Variants in SP2 observed in about 807,000 individuals in gnomAD.
The protein encoded by SP2 is Sp2 transcription factor, also known as transcription factor Sp2.
In SP2, 9 loss-of-function variants were observed where a neutral mutation model predicts 50.1. The ratio of observed to expected loss-of-function variants is 0.18; its 90% confidence interval spans 0.11 to 0.31. The LOEUF is 0.31. Ranked by LOEUF, SP2 falls within the 10% of genes least tolerant of loss-of-function variation. The pLI is 1.00. For missense variants in SP2, 581 were observed against 806.5 expected, an observed-to-expected ratio of 0.72 and a Z score of 3.39; for synonymous variants, 313 against 326.6, an observed-to-expected ratio of 0.96 and a Z score of 0.45.
At chr17:47,912,931 C>G (rs565457411) in intron 1 of SP2, among the ~76,000 whole-genome samples, 39 of 152,088 alleles carry the variant, frequency 2.6e-4, no homozygotes, top group Admixed American at 6.5e-4. Flanking sequence ...ACGATCTCAG[C>G]TCACTGCAAC....
At chr17:47,922,897 C>A in intron 3 of SP2, 65 bp from the exon 4 acceptor site, 1 of 1,444,496 alleles carries the variant, frequency 6.9e-7, no homozygotes, top group Non-Finnish European at 9.5e-7. Context: ...TGGGCAGGGA[C>A]ATTTGAAGGC....
chr17:47,918,873 G>A (rs905148172), intron 3 of SP2, among the ~76,000 whole-genome samples: 2 of 152,126 alleles, frequency 1.3e-5, no homozygotes, highest in Non-Finnish European at 2.9e-5. Flanking sequence ...GTGCAGACAC[G>A]TCCATTTGTG....
Position 47,928,942 on chromosome 17 carries a change from G to C in SP2, c.*1118G>C, listed in dbSNP as rs775061433. 1 of 152,652 alleles carries C rather than the reference G, an allele frequency of 6.6e-6. No individual in the cohort carries two copies. The highest frequency in any genetic ancestry group is 1.5e-5 in the Non-Finnish European group (1 of 68,044). The allele number at this position is 152,652 out of a possible 1,614,324, so 9.5% of individuals were successfully genotyped here. On this transcript the variant is annotated 3_prime_UTR_variant, in exon 7 of 7. Coordinates refer to ENST00000376741, the MANE Select transcript of SP2 (RefSeq NM_003110.6). ...TTCTTGCTAATAAATTTAGTTGCCT[G>C]AGGCAAAATCTTCAACTTGGCAGTT...
rs758851436 is a variant in SP2 at position 47,925,440 on chromosome 17, G to A, written c.1640G>A (p.Arg547His). The A allele has an allele frequency of 2.0e-5, 32 of 1,614,056 alleles. No individual in the cohort carries two copies. Among genetic ancestry groups the A allele is most frequent in the Non-Finnish European group, 2.5e-5 (29 of 1,179,990 alleles). The part of the protein sequence containing the change: ...RKTSLLRAHV[R>H]LHTGERPFVC... ...ACGTCCTTGCTGCGTGCCCATGTGCGCCTGCACACTGGCGAGCGGCCCTTT... is the reference window on the plus strand; with the variant it reads ...ACGTCCTTGCTGCGTGCCCATGTGCACCTGCACACTGGCGAGCGGCCCTTT... Residue 547 changes from arginine (R) to histidine (H), a missense_variant, in exon 6 of 7, where the codon CGC becomes CAC. Physicochemically the swap from Arg to His is conservative, Grantham distance 29. Transcript: ENST00000376741.
At chr17:47,909,688 G>A (rs1475580156) in intron 1 of SP2, 6 of 983,910 alleles carry the variant, frequency 6.1e-6, no homozygotes, top group Non-Finnish European at 7.2e-6. Flanking sequence ...AGGCTAAGAG[G>A]GACCATCCCA....
chr17:47,897,693 A>G, intron 1 of SP2: 1 of 201,108 alleles, frequency 5.0e-6, no homozygotes, highest in Non-Finnish European at 8.9e-6. Context: ...TGCAAAGGAA[A>G]TAATGGTGGA....
At chr17:47,906,244 G>A in intron 1 of SP2, among the ~76,000 whole-genome samples, 1 of 152,180 alleles carries the variant, frequency 6.6e-6, no homozygotes, top group East Asian at 1.9e-4. Flanking sequence ...TCTATGAGGT[G>A]GAATCATGAG....
rs749551247 is a variant in SP2 at position 47,915,352 on chromosome 17, C to T, written c.48C>T (p.Pro16=). The change falls in exon 2 of 7, where the codon CCC becomes CCT. Residue 16 remains proline, a synonymous_variant. Transcript: ENST00000376741. ...TSMAATAAVS[P]SDYLQPAAST... ...TGGCTGCCACTGCTGCTGTGAGTCCCAGTGACTACCTGCAGCCTGCCGCCT... is the reference window on the plus strand; with the variant it reads ...TGGCTGCCACTGCTGCTGTGAGTCCTAGTGACTACCTGCAGCCTGCCGCCT... 6.2e-7 allele frequency: 1 copy of T among 1,613,526 alleles called. No homozygotes were observed. Among genetic ancestry groups the T allele is most frequent in the Non-Finnish European group, 8.5e-7 (1 of 1,179,714 alleles).
At chr17:47,898,785 T>G (rs548462125) in intron 1 of SP2, 1 of 152,336 alleles carries the variant, frequency 6.6e-6, no homozygotes, top group African/African-American at 2.4e-5. Flanking sequence ...TGAACACTTC[T>G]GAGTTTACAA....
At chr17:47,906,685 A>G (rs1056933811) in intron 1 of SP2, among the ~76,000 whole-genome samples, 1 of 152,224 alleles carries the variant, frequency 6.6e-6, no homozygotes, top group Non-Finnish European at 1.5e-5. Flanking sequence ...AAGTTTTTCA[A>G]GGATCTGGAA....
intron 1 of SP2, 35 bp downstream of exon 1, chr17:47,896,328 GC>G: frequency 8.1e-7 from 1 of 1,234,896 alleles, no homozygotes; most frequent in African/African-American, 1.6e-5. Context: ...GGTCTTCCCG[GC>G]CCCCAAGGGT....
Position 47,923,205 on chromosome 17 carries a change from G to A in SP2, c.1303G>A (p.Ala435Thr). Residue 435 changes from alanine (A) to threonine (T), a missense_variant, in exon 4 of 7, where the codon GCA (alanine) becomes ACA (threonine). This residue lies in a region of SP2 where 184 missense variants were observed against 315.5 expected (regional missense o/e 0.58). Coordinates refer to ENST00000376741, the MANE Select transcript of SP2 (RefSeq NM_003110.6). ...NAAQLAAAAQ[A>T]MQTININGVQ... ...AGCCCAGTTGGCGGCAGCTGCCCAGGCAATGCAGACCATCAACATCAATGG... is the reference window on the plus strand; with the variant it reads ...AGCCCAGTTGGCGGCAGCTGCCCAGACAATGCAGACCATCAACATCAATGG... The A allele has an allele frequency of 6.2e-7, 1 of 1,613,206 alleles. No individual in the cohort carries two copies. The highest frequency in any genetic ancestry group is 8.5e-7 in the Non-Finnish European group (1 of 1,180,036).
intron 1 of SP2, among the ~76,000 whole-genome samples, chr17:47,911,083 G>A (rs1023264545): frequency 6.6e-6 from 1 of 152,024 alleles, no homozygotes; most frequent in Non-Finnish European, 1.5e-5. Context: ...AAAATTAGCC[G>A]GGTGTGGTGG....
intron 1 of SP2, among the ~76,000 whole-genome samples, chr17:47,902,270 G>C (rs2034572878): frequency 6.6e-6 from 1 of 152,222 alleles, no homozygotes; most frequent in South Asian, 2.1e-4. Context: ...CAGTGAGAGA[G>C]GGAGAGTGAC....
Position 47,916,716 on chromosome 17 carries a change from C to T in SP2, c.645C>T (p.Pro215=), listed in dbSNP as rs760918500. 3.0e-5 allele frequency: 48 copies of T among 1,613,236 alleles called. No homozygotes were observed. The highest frequency in any genetic ancestry group is 2.6e-4 in the South Asian group (24 of 91,042). The part of the protein sequence containing the change: ...GGGGNVTLTL[P]VNNLVNASDT... The stretch of plus-strand genomic sequence containing the variant: ...GCGGCAATGTGACGCTCACTCTGCC[C>T]GTCAACAACCTTGTGAACGCCAGTG... The change falls in exon 3 of 7, where the codon CCC becomes CCT. Residue 215 remains proline (P), a synonymous_variant. Coordinates refer to ENST00000376741, the MANE Select transcript of SP2 (RefSeq NM_003110.6). This position sits in a 1 kb window ranked among gnomAD's most constrained non-coding sequence, Gnocchi z 4.7.
chr17:47,896,429 GA>G (rs1384345505), intron 1 of SP2, 136 bp downstream of exon 1: 3 of 695,612 alleles, frequency 4.3e-6, no homozygotes, highest in Non-Finnish European at 6.0e-6. Context: ...CCGGCTTCAG[GA>G]GGGGCGGGGG....
intron 3 of SP2, among the ~76,000 whole-genome samples, chr17:47,922,535 T>C (rs920725451): frequency 2.7e-4 from 40 of 147,040 alleles, no homozygotes; most frequent in African/African-American, 1.0e-3. Context: ...TTTTTTTTTT[T>C]TGAGACAGCG....
intron 1 of SP2, among the ~76,000 whole-genome samples, chr17:47,912,137 GTTC>G (rs755768613): frequency 5.9e-5 from 9 of 152,332 alleles, no homozygotes; most frequent in Middle Eastern, 3.4e-3. Flanking sequence ...AGCATGACCT[GTTC>G]TTCTATATTA....
chr17:47,911,183 G>A (rs545103854), intron 1 of SP2, among the ~76,000 whole-genome samples: 2 of 152,068 alleles, frequency 1.3e-5, no homozygotes, highest in African/African-American at 2.4e-5. Context: ...CCGAGATCAC[G>A]CCACTGCTCT....
Sources: allele counts gnomAD v4.1 joint callset (sites outside exome capture counted in the v4.1 genomes callset), GRCh38; gene constraint gnomAD v4.1.1; regional missense constraint gnomAD v4.1.1; non-coding constraint Gnocchi (gnomAD v3.1); transcripts MANE v1.5; gene names NCBI Gene and HGNC (gene_info 2026-07-23, HGNC 2026-07-21).